GLT1D1: variants seen among roughly 807,000 people sequenced by gnomAD.
GLT1D1 encodes the protein glycosyltransferase 1 domain containing 1, also known as glycosyltransferase 1 domain-containing protein 1.
GLT1D1 carries 21 observed loss-of-function variants against 28.7 expected under a neutral mutation model. The observed-to-expected ratio is 0.73, with a 90% confidence interval of 0.52 to 1.05. GLT1D1 has a LOEUF of 1.05. Ranked by LOEUF, GLT1D1 falls within the 50% of genes least tolerant of loss-of-function variation. The probability of loss-of-function intolerance (pLI) is 0.00; values close to 1 mark genes in which losing one functional copy is unlikely to be tolerated. For synonymous variants in GLT1D1, 147 were observed against 124.8 expected (o/e 1.18, Z -1.19); for missense variants, 343 against 330.6 (o/e 1.04, Z -0.29).
chr12:128,919,943 TTCTC>T (rs1160496585), intron 4 of GLT1D1, among the ~76,000 whole-genome samples: 64 of 109,764 alleles, frequency 5.8e-4, no homozygotes, highest in Middle Eastern at 4.3e-3. Flanking sequence ...TATTGCTTAT[TTCTC>T]TCTCTCTCTC....
At chr12:128,871,649 A>T (rs1956691734) in intron 1 of GLT1D1, among the ~76,000 whole-genome samples, 1 of 152,200 alleles carries the variant, frequency 6.6e-6, no homozygotes, top group Non-Finnish European at 1.5e-5. Flanking sequence ...TGTGGCTCCC[A>T]CAGTCCTAGC....
At chr12:128,964,340 C>T (rs766424207) in intron 7 of GLT1D1, among the ~76,000 whole-genome samples, 5 of 152,172 alleles carry the variant, frequency 3.3e-5, no homozygotes, top group Non-Finnish European at 7.3e-5. Flanking sequence ...GCCATGTTGG[C>T]GTGGCTGCAC....
chr12:128,890,492 G>T (rs550600130), intron 3 of GLT1D1, among the ~76,000 whole-genome samples: 1 of 152,262 alleles, frequency 6.6e-6, no homozygotes, highest in Admixed American at 6.5e-5. Flanking sequence ...TTAAAATAAT[G>T]ATAAAATCAG....
At chr12:128,927,753 C>A (rs1049357593) in intron 4 of GLT1D1, among the ~76,000 whole-genome samples, 1 of 151,392 alleles carries the variant, frequency 6.6e-6, no homozygotes, top group Non-Finnish European at 1.5e-5. Flanking sequence ...ATCCTGGCAA[C>A]TTCGGGAGGC....
At chr12:128,919,666 G>A (rs141403597) in intron 4 of GLT1D1, among the ~76,000 whole-genome samples, 31 of 152,238 alleles carry the variant, frequency 2.0e-4, no homozygotes, top group African/African-American at 7.2e-4. Context: ...TTTTTCACAC[G>A]ATATTGACAA....
Position 128,899,181 on chromosome 12 carries a change from T to A in GLT1D1, c.324-55T>A, listed in dbSNP as rs903778215. ...TTTGTTCCAAAGAGCTGTTTCATAG[T>A]TCTTTTAATTGAATTCTGGCCTAAT... On this transcript the variant is annotated intron_variant, in intron 3 of 7. Transcript: ENST00000281703. The A allele has an allele frequency of 3.8e-6, 5 of 1,325,222 alleles. No individual in the cohort carries two copies. In the Admixed American group the frequency reaches 5.1e-5, roughly 13 times the overall value. 82.1% of individuals were successfully genotyped at this position (1,325,222 alleles called of 1,614,324 possible). A position where few individuals can be genotyped will look rare whatever the true frequency, so the allele number is the denominator to read the frequency against.
intron 7 of GLT1D1, among the ~76,000 whole-genome samples, chr12:128,980,822 G>A (rs1458088389): frequency 5.3e-5 from 8 of 152,212 alleles, no homozygotes; most frequent in Non-Finnish European, 8.8e-5. Flanking sequence ...CAGATTCATC[G>A]GGGGCGGGGT....
chr12:128,912,047 C>G (rs1239595343), intron 4 of GLT1D1, among the ~76,000 whole-genome samples: 1 of 152,130 alleles, frequency 6.6e-6, no homozygotes, highest in Non-Finnish European at 1.5e-5. Flanking sequence ...TTCCCCAAAC[C>G]TCCACCTCCA....
chr12:128,914,652 T>G (rs1207879190), intron 4 of GLT1D1, among the ~76,000 whole-genome samples: 1 of 151,914 alleles, frequency 6.6e-6, no homozygotes, highest in Non-Finnish European at 1.5e-5. Flanking sequence ...AAACCCTGTC[T>G]CTACTAAAAA....
At chr12:128,901,578 A>ATG (rs1870270395) in intron 4 of GLT1D1, among the ~76,000 whole-genome samples, 1 of 151,772 alleles carries the variant, frequency 6.6e-6, no homozygotes, top group Non-Finnish European at 1.5e-5. Context: ...CTGGGACTAC[A>ATG]GGCGCCCACC....
intron 3 of GLT1D1, among the ~76,000 whole-genome samples, chr12:128,897,202 G>T (rs1869744780): frequency 6.6e-6 from 1 of 151,954 alleles, no homozygotes; most frequent in Non-Finnish European, 1.5e-5. Flanking sequence ...TTGCTCTCAC[G>T]TGAACATCCC....
At chr12:128,956,094 G>A (rs1415609456) in intron 6 of GLT1D1, among the ~76,000 whole-genome samples, 1 of 142,326 alleles carries the variant, frequency 7.0e-6, no homozygotes, top group East Asian at 2.1e-4. Flanking sequence ...GAGAGGCGGA[G>A]CTTACAGTGA....
chr12:128,981,431 A>G (rs1880308399), intron 7 of GLT1D1, among the ~76,000 whole-genome samples: 2 of 152,242 alleles, frequency 1.3e-5, no homozygotes, highest in African/African-American at 4.8e-5. Context: ...AGCTATAAGC[A>G]TCTCAAATGA....
chr12:128,884,396 A>T (rs193112911), intron 2 of GLT1D1, among the ~76,000 whole-genome samples: 8 of 152,180 alleles, frequency 5.3e-5, no homozygotes, highest in African/African-American at 1.4e-4. Flanking sequence ...GGTGCTCAGG[A>T]TTGTGAGGAG....
In GLT1D1 at chr12:128,983,240, C is replaced by G; in HGVS notation, c.*150C>G. The G allele has an allele frequency of 1.5e-6, 1 of 660,826 alleles. No individual in the cohort carries two copies. The highest frequency in any genetic ancestry group is 2.6e-6 in the Non-Finnish European group (1 of 384,984). 40.9% of individuals were successfully genotyped at this position (660,826 alleles called of 1,614,324 possible). ...AAATGTTAGTCGTGAGTCCCCAGAG[C>G]CACTGCATTCATCCCATATCCTTCT... On this transcript the variant is annotated 3_prime_UTR_variant, in exon 8 of 8. Transcript: ENST00000281703. This position sits in a 1 kb window ranked among gnomAD's most constrained non-coding sequence, Gnocchi z 4.7.
At chr12:128,934,067 C>T (rs6486737) in intron 4 of GLT1D1, among the ~76,000 whole-genome samples, 27,476 of 152,048 alleles carry the variant, frequency 0.18, 2,607 homozygotes, top group African/African-American at 0.23. Flanking sequence ...CTGTTAACTG[C>T]AAAGCTCAAT....
intron 4 of GLT1D1, chr12:128,930,425 GA>G (rs1873735905): frequency 6.6e-6 from 1 of 152,154 alleles, no homozygotes. Flanking sequence ...TTCCAATTAT[GA>G]AAATTGCCTT....
At chr12:128,934,579 G>T (rs977622196) in intron 4 of GLT1D1, among the ~76,000 whole-genome samples, 3 of 152,074 alleles carry the variant, frequency 2.0e-5, no homozygotes, top group Admixed American at 2.0e-4. Context: ...GCCCTAGTTC[G>T]CAGGAGGTCC....
rs1351902107 is a variant in GLT1D1, at chr12:128,864,208, C to T, written c.68+10559C>T. The T allele has an allele frequency of 9.1e-6, 6 of 657,860 alleles. No individual in the cohort carries two copies. The Middle Eastern group carries it at 7.2e-4, about 79-fold the overall frequency. The allele number at this position is 657,860 out of a possible 1,614,324, so 40.8% of individuals were successfully genotyped here. ...AGTTTTTGTTGAATTAGGGCAGTTG[C>T]AACCCACGGGCACTCCGAGAGGCTT... On this transcript the variant is annotated intron_variant, in intron 1 of 7. Transcript: ENST00000281703.
Sources: gnomAD v4.1 joint callset for allele counts (sites outside exome capture counted in the v4.1 genomes callset) on GRCh38, gnomAD v4.1.1 for gene constraint, Gnocchi (gnomAD v3.1) non-coding constraint, MANE v1.5 for transcripts, NCBI Gene and HGNC (gene_info 2026-07-23, HGNC 2026-07-21) for gene names.